The following PCDHGA1 variants were observed in gnomAD, a reference collection of about 807,000 sequenced individuals.
The protein encoded by PCDHGA1 is protocadherin gamma subfamily A, 1.
In PCDHGA1, 32 loss-of-function variants were observed where a neutral mutation model predicts 58.0. That is an observed-to-expected ratio of 0.55 (90% CI 0.42 to 0.74). The LOEUF is 0.74. Ranked by LOEUF, PCDHGA1 falls within the 30% of genes least tolerant of loss-of-function variation. The probability of loss-of-function intolerance (pLI) is 0.00; values close to 1 mark genes in which losing one functional copy is unlikely to be tolerated. For synonymous variants in PCDHGA1, 498 were observed against 501.1 expected (o/e 0.99, Z 0.08); for missense variants, 1,205 against 1,182.3 (o/e 1.02, Z -0.28).
In PCDHGA1 at chr5:141,357,543, C is replaced by G. The variant is rs376070202; in HGVS notation, c.2421+24438C>G. On this transcript the variant is annotated intron_variant, in intron 1 of 3. Transcript: ENST00000517417. ...CCAGCTATGCAGACACGCTCATCAG[C>G]CGGGAGAGTTGTGAGAAAAGCGAGC... is the stretch of plus-strand genomic sequence containing the variant. 15 of 1,614,066 alleles carry G rather than the reference C, an allele frequency of 9.3e-6. No individual in the cohort carries two copies. In the African/African-American group the frequency reaches 2.0e-4, roughly 22 times the overall value.
intron 1 of PCDHGA1, chr5:141,345,565 C>A (rs964266181): frequency 3.1e-6 from 5 of 1,614,130 alleles, no homozygotes; most frequent in Non-Finnish European, 3.4e-6. Flanking sequence ...AACTCCAACA[C>A]TGGCGTCCTA....
Position 141,414,286 on chromosome 5 carries a change from G to A in PCDHGA1, c.2422-80521G>A, listed in dbSNP as rs2095728607. ...AGATTCACCTCTGGGAACAGTCGTA[G>A]CCCTTTTAAATGTGCATGATTTAGA... On this transcript the variant is annotated intron_variant, in intron 1 of 3. Coordinates refer to ENST00000517417, the MANE Select transcript of PCDHGA1 (RefSeq NM_018912.3). 1.9e-6 allele frequency: 3 copies of A among 1,613,586 alleles called. No individual in the cohort carries two copies. The highest frequency in any genetic ancestry group is 2.5e-6 in the Non-Finnish European group (3 of 1,179,770).
intron 1 of PCDHGA1, chr5:141,385,861 G>A (rs561611576): frequency 8.5e-5 from 13 of 153,290 alleles, no homozygotes; most frequent in African/African-American, 2.6e-4. Flanking sequence ...GGTGGTAGTA[G>A]AAGGTTGGAT....
intron 1 of PCDHGA1, chr5:141,394,655 G>A (rs780779279): frequency 2.7e-5 from 43 of 1,613,284 alleles, no homozygotes; most frequent in Admixed American, 5.0e-5. Flanking sequence ...CCAGCGAGCC[G>A]GGACTCTTCT....
chr5:141,358,895 T>C (rs1761048848), intron 1 of PCDHGA1, among the ~76,000 whole-genome samples: 1 of 152,230 alleles, frequency 6.6e-6, no homozygotes, highest in Non-Finnish European at 1.5e-5. Flanking sequence ...GATTATTTTA[T>C]ATGAGGGAAA....
In PCDHGA1 at chr5:141,384,701, A is replaced by G. The variant is rs775540555; in HGVS notation, c.2421+51596A>G. On this transcript the variant is annotated intron_variant, in intron 1 of 3. Transcript: ENST00000517417. ...GCGGTGGACAAAGATTCAGGCCAGA[A>G]CGCCTGGCTGTCATACCTCCTGCTT... is the stretch of plus-strand genomic sequence containing the variant. The G allele has an allele frequency of 8.7e-6, 14 of 1,614,138 alleles. No homozygotes were observed. In the South Asian group the frequency reaches 1.2e-4, roughly 14 times the overall value.
chr5:141,348,924 C>A (rs1449370002), intron 1 of PCDHGA1, among the ~76,000 whole-genome samples: 1 of 152,076 alleles, frequency 6.6e-6, no homozygotes, highest in African/African-American at 2.4e-5. Context: ...TGCTTTGAAC[C>A]AAGACTGGTT....
Position 141,511,208 on chromosome 5 carries a change from C to T in PCDHGA1, c.*35C>T, listed in dbSNP as rs1278180818. 27 of 1,610,922 alleles carry T rather than the reference C, an allele frequency of 1.7e-5. No individual in the cohort carries two copies. Among genetic ancestry groups the T allele is most frequent in the Non-Finnish European group, 2.3e-5 (27 of 1,178,572 alleles). ...CAGGCCAAGAGCCACAGGGCGGCCT[C>T]TCCCCAACCAGCCCAGCTTCTCCTT... On this transcript the variant is annotated 3_prime_UTR_variant, in exon 4 of 4. Coordinates refer to ENST00000517417, the MANE Select transcript of PCDHGA1 (RefSeq NM_018912.3).
intron 1 of PCDHGA1, chr5:141,352,152 G>A: frequency 1.2e-6 from 2 of 1,612,744 alleles, no homozygotes; most frequent in Non-Finnish European, 8.5e-7. Context: ...TTGGGCGACA[G>A]GGACGCGGCC....
intron 1 of PCDHGA1, among the ~76,000 whole-genome samples, chr5:141,449,081 C>T (rs2098627623): frequency 6.6e-6 from 1 of 152,180 alleles, no homozygotes; most frequent in South Asian, 2.1e-4. Flanking sequence ...CCTGTACCTA[C>T]ATCAGTTTTT....
chr5:141,394,761 G>A, intron 1 of PCDHGA1: 1 of 1,613,428 alleles, frequency 6.2e-7, no homozygotes, highest in South Asian at 1.1e-5. Context: ...CCAGGACCAT[G>A]GCCAGCCCCC....
At chr5:141,384,308 C>T in intron 1 of PCDHGA1, 1 of 1,613,854 alleles carries the variant, frequency 6.2e-7, no homozygotes, top group Non-Finnish European at 8.5e-7. Context: ...AGAGGGGCCT[C>T]CATTTTCTTA....
intron 1 of PCDHGA1, chr5:141,355,805 G>A (rs571571659): frequency 6.2e-7 from 1 of 1,613,322 alleles, no homozygotes; most frequent in Non-Finnish European, 8.5e-7. Flanking sequence ...GCTCTAGATC[G>A]CGAGGAAGAG....
chr5:141,479,020 T>C (rs961123768), intron 1 of PCDHGA1, among the ~76,000 whole-genome samples: 1 of 152,236 alleles, frequency 6.6e-6, no homozygotes, highest in African/African-American at 2.4e-5. Flanking sequence ...ATAATTTTCC[T>C]TTGTTTATAC....
In PCDHGA1 at chr5:141,489,504, A is replaced by G. The variant is rs148241772; in HGVS notation, c.2422-5303A>G. 193 of 1,614,016 alleles carry G rather than the reference A, an allele frequency of 1.2e-4. No individual in the cohort carries two copies. Among genetic ancestry groups the G allele is most frequent in the Non-Finnish European group, 1.6e-4 (184 of 1,180,046 alleles). On this transcript the variant is annotated intron_variant, in intron 1 of 3. Transcript: ENST00000517417. The surrounding 1 kb of genome is among the most constrained non-coding windows in gnomAD (Gnocchi z 4.5). ...TGAGTGGTGCCCTGGCAGTGAATCA[A>G]AAGATTGACCGAGAAAGCCTATGTG...
rs778612383 is a variant in PCDHGA1, at chr5:141,360,299, G to A, written c.2421+27194G>A. The A allele has an allele frequency of 1.9e-6, 3 of 1,613,972 alleles. No homozygotes were observed. The South Asian group carries it at 3.3e-5, about 18-fold the overall frequency. ...GTAGGAAACCTCGCCAAGGATCTGGGGCTCAGCGTCCGGGACTTGCCAGCC... is the reference window on the plus strand; with the variant it reads ...GTAGGAAACCTCGCCAAGGATCTGGAGCTCAGCGTCCGGGACTTGCCAGCC... On this transcript the variant is annotated intron_variant, in intron 1 of 3. Coordinates refer to ENST00000517417, the MANE Select transcript of PCDHGA1 (RefSeq NM_018912.3).
intron 1 of PCDHGA1, among the ~76,000 whole-genome samples, chr5:141,444,150 GGA>G (rs1471930589): frequency 1.6e-4 from 18 of 114,012 alleles, no homozygotes; most frequent in Non-Finnish European, 2.3e-4. Context: ...TGTGTGTACT[GGA>G]TTTTTTTTTT....
intron 1 of PCDHGA1, chr5:141,392,870 G>A (rs757363357): frequency 6.2e-7 from 1 of 1,613,226 alleles, no homozygotes; most frequent in East Asian, 2.2e-5. Flanking sequence ...TGTGCGCGCT[G>A]CTGGGAACGC....
chr5:141,372,648 T>C, intron 1 of PCDHGA1: 1 of 1,614,024 alleles, frequency 6.2e-7, no homozygotes, highest in Non-Finnish European at 8.5e-7. Flanking sequence ...GCCTTATTCC[T>C]ACAATCCGTG....
Sources: allele counts gnomAD v4.1 joint callset (sites outside exome capture counted in the v4.1 genomes callset), GRCh38; gene constraint gnomAD v4.1.1; non-coding constraint Gnocchi (gnomAD v3.1); transcripts MANE v1.5; gene names NCBI Gene and HGNC (gene_info 2026-07-23, HGNC 2026-07-21).